Variants in CCSER1 observed in about 807,000 individuals in gnomAD.
CCSER1 encodes serine-rich coiled-coil domain-containing protein 1.
A neutral mutation model predicts 82.0 loss-of-function variants in CCSER1; 41 were observed. That is an observed-to-expected ratio of 0.50 (90% confidence interval 0.39 to 0.65). The LOEUF is 0.65. Among genes scored for constraint, CCSER1 ranks in the 30% least tolerant of loss-of-function variants. CCSER1 has a pLI of 0.00. For synonymous variants in CCSER1, 414 were observed against 383.9 expected (o/e 1.08, Z -0.92); for missense variants, 1,119 against 1,064.2 (o/e 1.05, Z -0.72).
At chr4:90,932,625 C>T (rs1231749574) in intron 9 of CCSER1, among the ~76,000 whole-genome samples, 3 of 151,686 alleles carry the variant, frequency 2.0e-5, no homozygotes, top group South Asian at 2.1e-4. Flanking sequence ...GTCAGGAGTT[C>T]GAGACCAGCC....
intron 4 of CCSER1, among the ~76,000 whole-genome samples, chr4:90,445,590 A>G (rs1760537515): frequency 6.6e-6 from 1 of 152,146 alleles, no homozygotes; most frequent in East Asian, 1.9e-4. Context: ...GTTGTAATGC[A>G]GGAAATGCCA....
At chr4:90,596,648 C>G (rs775421010) in intron 5 of CCSER1, among the ~76,000 whole-genome samples, 28 of 151,650 alleles carry the variant, frequency 1.8e-4, no homozygotes, top group Non-Finnish European at 3.4e-4. Flanking sequence ...AAGAAGGATT[C>G]AATTCTCTTG....
At chr4:90,568,802 G>A (rs773160872) in intron 5 of CCSER1, among the ~76,000 whole-genome samples, 1 of 139,984 alleles carries the variant, frequency 7.1e-6, no homozygotes, top group South Asian at 2.2e-4. Context: ...TCACTCTGTC[G>A]CCCAGGCTGC....
rs138573864 is a variant in CCSER1, at chr4:90,161,743, A to G, written c.-42+33912A>G. On this transcript the variant is annotated intron_variant, in intron 1 of 10. Transcript: ENST00000509176. ...TGAAGTCTTTATTTCTCTGTGCACT[A>G]ATAGAATGAACTAACAAATTCCTTG... 3.0e-4 allele frequency among the ~76,000 whole-genome samples: 46 copies of G among 152,270 alleles called. 1 individual carries two copies. In the East Asian group the frequency reaches 8.3e-3, roughly 27 times the overall value.
At chr4:91,407,250 C>T (rs1661591026) in intron 10 of CCSER1, among the ~76,000 whole-genome samples, 1 of 152,066 alleles carries the variant, frequency 6.6e-6, no homozygotes, top group African/African-American at 2.4e-5. Context: ...TTAAAGCTCT[C>T]AAAGATTTTA....
intron 10 of CCSER1, among the ~76,000 whole-genome samples, chr4:91,114,950 C>G (rs533085873): frequency 1.1e-4 from 16 of 152,138 alleles, no homozygotes; most frequent in Admixed American, 8.5e-4. Flanking sequence ...ATCTCCTTCT[C>G]TTAATATTTT....
chr4:90,942,731 G>T (rs1731741788), intron 9 of CCSER1, among the ~76,000 whole-genome samples: 1 of 151,646 alleles, frequency 6.6e-6, no homozygotes, highest in Admixed American at 6.6e-5. Context: ...TCTTTGGGAA[G>T]AAATAAAAAT....
intron 10 of CCSER1, among the ~76,000 whole-genome samples, chr4:91,495,319 A>G (rs1758742769): frequency 6.6e-6 from 1 of 151,546 alleles, no homozygotes; most frequent in Non-Finnish European, 1.5e-5. Flanking sequence ...AAGTTTGACA[A>G]ACTGTTAAAA....
chr4:91,277,192 T>G (rs969997401), intron 10 of CCSER1, among the ~76,000 whole-genome samples: 15 of 152,248 alleles, frequency 9.9e-5, no homozygotes, highest in African/African-American at 3.4e-4. Context: ...TCCCTTCTTG[T>G]AAATATTTTT....
chr4:91,480,120 A>T, intron 10 of CCSER1, among the ~76,000 whole-genome samples: 1 of 150,568 alleles, frequency 6.6e-6, no homozygotes, highest in East Asian at 2.0e-4. Context: ...TATGTGCCAC[A>T]TTTTCTTAAT....
At chr4:90,409,589 T>C (rs887037464) in intron 4 of CCSER1, among the ~76,000 whole-genome samples, 9 of 152,152 alleles carry the variant, frequency 5.9e-5, no homozygotes, top group African/African-American at 2.2e-4. Flanking sequence ...CTGAGAGATT[T>C]TGTCACCACC....
intron 5 of CCSER1, among the ~76,000 whole-genome samples, chr4:90,477,952 C>G (rs1765331547): frequency 6.6e-6 from 1 of 152,008 alleles, no homozygotes; most frequent in African/African-American, 2.4e-5. Flanking sequence ...GGAATTAAAA[C>G]AGCAATTTTG....
chr4:91,074,108 A>G (rs1721711415), intron 9 of CCSER1, among the ~76,000 whole-genome samples: 1 of 152,206 alleles, frequency 6.6e-6, no homozygotes, highest in Non-Finnish European at 1.5e-5. Flanking sequence ...TAACAATAGC[A>G]AGAACTAATA....
chr4:91,217,586 G>A (rs1425502762), intron 10 of CCSER1, among the ~76,000 whole-genome samples: 1 of 151,922 alleles, frequency 6.6e-6, no homozygotes, highest in Admixed American at 6.6e-5. Flanking sequence ...AGACATAAAG[G>A]TTCTCCAAGG....
At chr4:90,575,275 G>T (rs181221744) in intron 5 of CCSER1, among the ~76,000 whole-genome samples, 1 of 152,326 alleles carries the variant, frequency 6.6e-6, no homozygotes, top group Non-Finnish European at 1.5e-5. Flanking sequence ...ACAGGGACCT[G>T]GTAGGGGCTT....
chr4:90,164,409 A>G (rs1365773271), intron 1 of CCSER1, among the ~76,000 whole-genome samples: 1 of 152,094 alleles, frequency 6.6e-6, no homozygotes, highest in African/African-American at 2.4e-5. Context: ...TTTAAGGAAT[A>G]GTAATTTTTT....
intron 10 of CCSER1, among the ~76,000 whole-genome samples, chr4:91,257,915 G>A (rs28628384): frequency 0.25 from 38,445 of 151,844 alleles, 5,050 homozygotes; most frequent in South Asian, 0.39. Flanking sequence ...AATATTTGTG[G>A]GAAGAAAAGA....
intron 4 of CCSER1, among the ~76,000 whole-genome samples, chr4:90,430,470 G>T (rs1028765584): frequency 1.3e-5 from 2 of 151,826 alleles, no homozygotes; most frequent in African/African-American, 4.8e-5. Flanking sequence ...AATCCATATT[G>T]TCTTAGTACT....
intron 9 of CCSER1, among the ~76,000 whole-genome samples, chr4:90,973,544 C>G (rs1465480590): frequency 6.6e-6 from 1 of 151,582 alleles, no homozygotes; most frequent in Non-Finnish European, 1.5e-5. Flanking sequence ...GAAAAAGCAA[C>G]CCTTGTACAG....
Sources: gnomAD v4.1 joint callset for allele counts (sites outside exome capture counted in the v4.1 genomes callset) on GRCh38, gnomAD v4.1.1 for gene constraint, MANE v1.5 for transcripts, NCBI Gene and HGNC (gene_info 2026-07-23, HGNC 2026-07-21) for gene names.